The following YIPF1 variants were observed in gnomAD, a reference collection of about 807,000 sequenced individuals.
YIPF1 encodes the protein Yip1 domain family member 1.
A neutral mutation model predicts 37.0 loss-of-function variants in YIPF1; 22 were observed. That is an observed-to-expected ratio of 0.59 (90% CI 0.42 to 0.85). The LOEUF is 0.85. Among genes scored for constraint, YIPF1 ranks in the 40% least tolerant of loss-of-function variants. The pLI is 0.00. For missense variants in YIPF1, 355 were observed against 373.1 expected (o/e 0.95, Z 0.40); for synonymous variants, 128 against 131.9 (o/e 0.97, Z 0.21).
intron 3 of YIPF1, among the ~76,000 whole-genome samples, chr1:53,885,453 A>T (rs1298104202): frequency 6.6e-6 from 1 of 152,156 alleles, no homozygotes; most frequent in East Asian, 1.9e-4. Context: ...GGTTGCAGTG[A>T]GCCGAGATCG....
At chr1:53,886,248 C>A (rs1409392414) in intron 3 of YIPF1, among the ~76,000 whole-genome samples, 2 of 151,776 alleles carry the variant, frequency 1.3e-5, no homozygotes, top group Admixed American at 1.3e-4. Context: ...GGAAAGTGTG[C>A]CCGTGATGGA....
chr1:53,888,897 A>C lies in YIPF1; in HGVS notation c.31+10T>G. 2 of 1,583,078 alleles carry C rather than the reference A, an allele frequency of 1.3e-6. No individual in the cohort carries two copies. The highest frequency in any genetic ancestry group is 8.7e-7 in the Non-Finnish European group (1 of 1,155,262). ...TCATAAATATAAAGGTGGGCACCCA[A>C]CTGGTATACCTTCAAATTGCAAGTC... is the stretch of plus-strand genomic sequence containing the variant. On this transcript the variant is annotated intron_variant, in intron 3 of 10. Transcript: ENST00000072644.
rs753775421 is a variant in YIPF1 at position 53,866,943 on chromosome 1, A to T, written c.482-19T>A. ...ATGGACACTGAGGATGACAGGACACAAGTTTCAATCTCCATCATGCCTTTA... is the reference window on the plus strand; with the variant it reads ...ATGGACACTGAGGATGACAGGACACTAGTTTCAATCTCCATCATGCCTTTA... On this transcript the variant is annotated intron_variant, in intron 7 of 10. Coordinates refer to ENST00000072644, the MANE Select transcript of YIPF1 (RefSeq NM_018982.5). 1 of 1,597,872 alleles carries T rather than the reference A, an allele frequency of 6.3e-7. No individual in the cohort carries two copies.
At chr1:53,868,414 A>C (rs764458579) in intron 7 of YIPF1, among the ~76,000 whole-genome samples, 3 of 152,210 alleles carry the variant, frequency 2.0e-5, no homozygotes, top group Non-Finnish European at 4.4e-5. Flanking sequence ...TCATCTATAA[A>C]ATGGGAAGAA....
At chr1:53,867,953 G>A (rs1446801570) in intron 7 of YIPF1, among the ~76,000 whole-genome samples, 1 of 152,176 alleles carries the variant, frequency 6.6e-6, no homozygotes, top group African/African-American at 2.4e-5. Flanking sequence ...CTCTTCTGGA[G>A]TGGAGGTCAT....
chr1:53,864,024 G>C (rs771887210), intron 9 of YIPF1, among the ~76,000 whole-genome samples: 16 of 152,164 alleles, frequency 1.1e-4, no homozygotes, highest in Non-Finnish European at 1.9e-4. Flanking sequence ...TTATAGGCGA[G>C]AGCCACCAAG....
Position 53,866,326 on chromosome 1 carries a change from C to G in YIPF1, c.705G>C (p.Leu235=), listed in dbSNP as rs758139804. 1.2e-6 allele frequency: 2 copies of G among 1,614,120 alleles called. No homozygotes were observed. Among genetic ancestry groups the G allele is most frequent in the Non-Finnish European group, 1.7e-6 (2 of 1,180,016 alleles). The part of the protein sequence containing the change: ...AVRWILVMIA[L]GISGSLLAMT... Reference sequence around the variant, plus strand: ...TTGCCAAGAGAGATCCTGAGATGCCCAGGGCAATCATGACTAGAATCCAAC... The same window carrying G: ...TTGCCAAGAGAGATCCTGAGATGCCGAGGGCAATCATGACTAGAATCCAAC... The change falls in exon 9 of 11, where the codon CTG becomes CTC. Residue 235 remains leucine, a synonymous_variant. Coordinates refer to ENST00000072644, the MANE Select transcript of YIPF1 (RefSeq NM_018982.5).
chr1:53,852,756 AT>A (rs1649628102), intron 10 of YIPF1, among the ~76,000 whole-genome samples: 3 of 148,508 alleles, frequency 2.0e-5, no homozygotes, highest in Admixed American at 2.0e-4. Context: ...GGGGGTTTCA[AT>A]TTTGTTATTT....
chr1:53,867,051 T>G (rs1650049847), intron 7 of YIPF1, 127 bp from the exon 8 acceptor site: 2 of 1,121,592 alleles, frequency 1.8e-6, no homozygotes, highest in Non-Finnish European at 2.5e-6. Context: ...CGGAATCATG[T>G]CTTACTGGTC....
chr1:53,880,343 C>T (rs955293663), intron 4 of YIPF1, among the ~76,000 whole-genome samples: 3 of 151,818 alleles, frequency 2.0e-5, no homozygotes, highest in African/African-American at 7.3e-5. Context: ...GAATAAAATA[C>T]CTAGGAACAA....
chr1:53,864,621 A>G (rs983794751), intron 9 of YIPF1, among the ~76,000 whole-genome samples: 1 of 152,220 alleles, frequency 6.6e-6, no homozygotes, highest in Non-Finnish European at 1.5e-5. Context: ...AAACCTGACC[A>G]AGGGTCTGGA....
intron 6 of YIPF1, among the ~76,000 whole-genome samples, chr1:53,872,194 C>T (rs915889219): frequency 1.3e-5 from 2 of 151,950 alleles, no homozygotes; most frequent in African/African-American, 4.8e-5. Context: ...CAGCAAGATC[C>T]ACTCCCTCTC....
At chr1:53,884,234 C>CAAAAA (rs3058236) in intron 3 of YIPF1, among the ~76,000 whole-genome samples, 2,400 of 114,108 alleles carry the variant, frequency 0.021, 74 homozygotes, top group African/African-American at 0.055. Flanking sequence ...GACTTTGTCT[C>CAAAAA]AAAAAAAAAA....
intron 7 of YIPF1, among the ~76,000 whole-genome samples, chr1:53,869,667 G>A (rs1024737818): frequency 1.3e-5 from 2 of 152,080 alleles, no homozygotes; most frequent in South Asian, 2.1e-4. Flanking sequence ...GCCAATCTCC[G>A]ACAAAGCCAA....
At chr1:53,859,580 G>A (rs895420843) in intron 10 of YIPF1, among the ~76,000 whole-genome samples, 6 of 152,100 alleles carry the variant, frequency 3.9e-5, no homozygotes, top group African/African-American at 7.2e-5. Context: ...CAGGAGAATC[G>A]CTTGAACCCA....
intron 4 of YIPF1, among the ~76,000 whole-genome samples, chr1:53,880,929 T>G (rs951416378): frequency 6.6e-6 from 1 of 152,054 alleles, no homozygotes; most frequent in African/African-American, 2.4e-5. Context: ...GATTAAAGAC[T>G]TAAATGTAAA....
At chr1:53,887,569 G>A (rs949831226) in intron 3 of YIPF1, among the ~76,000 whole-genome samples, 1 of 152,004 alleles carries the variant, frequency 6.6e-6, no homozygotes, top group Non-Finnish European at 1.5e-5. Flanking sequence ...CTTGAGCATG[G>A]TGAGAGTAGT....
At chr1:53,863,212 C>T (rs1215410140) in intron 9 of YIPF1, among the ~76,000 whole-genome samples, 2 of 152,168 alleles carry the variant, frequency 1.3e-5, no homozygotes, top group African/African-American at 4.8e-5. Context: ...CTTTCTCATC[C>T]AGGTGTGTAA....
At chr1:53,889,081 C>T in intron 2 of YIPF1, 95 bp from the exon 3 acceptor site, 2 of 624,162 alleles carry the variant, frequency 3.2e-6, no homozygotes, top group Non-Finnish European at 5.7e-6. Flanking sequence ...TTTCCCTTGC[C>T]TCCCTTTTCA....
Sources: gnomAD v4.1 joint callset for allele counts (sites outside exome capture counted in the v4.1 genomes callset) on GRCh38, gnomAD v4.1.1 for gene constraint, MANE v1.5 for transcripts, NCBI Gene and HGNC (gene_info 2026-07-23, HGNC 2026-07-21) for gene names.